Variants in MTREX observed in about 807,000 individuals in gnomAD.
MTREX encodes the protein exosome RNA helicase MTR4.
Under a neutral mutation model 135.4 loss-of-function variants are expected in MTREX, and 76 were observed. The ratio of observed to expected loss-of-function variants is 0.56; its 90% confidence interval spans 0.47 to 0.68. The LOEUF (loss-of-function observed/expected upper bound fraction) is 0.68. Among genes scored for constraint, MTREX ranks in the 30% least tolerant of loss-of-function variants. The probability of loss-of-function intolerance (pLI) is 0.00; values close to 1 mark genes in which losing one functional copy is unlikely to be tolerated. For missense variants in MTREX, 920 were observed against 1,262.1 expected (o/e 0.73, Z 4.11); for synonymous variants, 404 against 401.6 (o/e 1.01, Z -0.07).
chr5:55,425,283 T>C lies in MTREX; in HGVS notation c.*511T>C, dbSNP rs577255506. 7 of 1,611,806 alleles carry C rather than the reference T, an allele frequency of 4.3e-6. No homozygotes were observed. The East Asian group carries it at 1.3e-4, about 31-fold the overall frequency. On this transcript the variant is annotated 3_prime_UTR_variant, in exon 27 of 27. Transcript: ENST00000230640. ...AGAGTTGTATGAGAGTCCTCCTCTT[T>C]TCTTTCTTTAAAAGAAGTTCTTTCT...
intron 23 of MTREX, 136 bp from the exon 24 acceptor site, chr5:55,414,046 C>G (rs1308100833): frequency 2.2e-5 from 12 of 552,196 alleles, no homozygotes; most frequent in Non-Finnish European, 9.3e-6. Context: ...ATTAGAAACT[C>G]TAAATGCTGA....
At chr5:55,346,992 T>C in intron 10 of MTREX, 21 bp from the exon 11 acceptor site, 1 of 1,582,284 alleles carries the variant, frequency 6.3e-7, no homozygotes, top group Non-Finnish European at 8.6e-7. Flanking sequence ...AATTTTGGTG[T>C]GTTGTTTACT....
At chr5:55,320,219 C>CTTT (rs375766049) in intron 1 of MTREX, among the ~76,000 whole-genome samples, 7 of 136,696 alleles carry the variant, frequency 5.1e-5, no homozygotes, top group African/African-American at 1.6e-4. Context: ...ATTAAAAAGT[C>CTTT]TTTTTTTTTT....
intron 25 of MTREX, among the ~76,000 whole-genome samples, chr5:55,419,505 G>GA (rs1316916080): frequency 2.6e-5 from 4 of 151,664 alleles, no homozygotes; most frequent in East Asian, 3.9e-4. Flanking sequence ...TATCACCCTG[G>GA]AAAAAAAATG....
intron 25 of MTREX, among the ~76,000 whole-genome samples, chr5:55,422,511 T>C (rs907891381): frequency 6.6e-6 from 1 of 152,200 alleles, no homozygotes; most frequent in African/African-American, 2.4e-5. Context: ...TTTTCTGCAT[T>C]GTCGTGGTGG....
At chr5:55,394,545 C>T (rs1750617969) in intron 19 of MTREX, among the ~76,000 whole-genome samples, 1 of 152,076 alleles carries the variant, frequency 6.6e-6, no homozygotes, top group Non-Finnish European at 1.5e-5. Context: ...GACCTAGATC[C>T]CTTGCATGTG....
At chr5:55,312,690 A>G (rs1254980396) in intron 1 of MTREX, among the ~76,000 whole-genome samples, 1 of 152,182 alleles carries the variant, frequency 6.6e-6, no homozygotes, top group Admixed American at 6.5e-5. Context: ...TGTTTTATGC[A>G]TATACCATAT....
intron 13 of MTREX, among the ~76,000 whole-genome samples, chr5:55,351,842 C>CTT (rs754738083): frequency 3.6e-5 from 5 of 139,398 alleles, no homozygotes; most frequent in Admixed American, 7.2e-5. Flanking sequence ...ATGACTCATA[C>CTT]TTTTTTTTTT....
intron 15 of MTREX, among the ~76,000 whole-genome samples, chr5:55,359,571 C>T (rs1240028119): frequency 6.6e-6 from 1 of 152,034 alleles, no homozygotes; most frequent in African/African-American, 2.4e-5. Flanking sequence ...TGAGTGAAGA[C>T]AAAGCTTGTC....
chr5:55,390,040 G>A (rs1477242401), intron 19 of MTREX, among the ~76,000 whole-genome samples: 2 of 152,248 alleles, frequency 1.3e-5, no homozygotes. Context: ...TCCTTGCCCT[G>A]TCTGACTTTG....
intron 5 of MTREX, among the ~76,000 whole-genome samples, chr5:55,332,420 G>A (rs1276532847): frequency 1.3e-5 from 2 of 152,174 alleles, no homozygotes; most frequent in Non-Finnish European, 2.9e-5. Flanking sequence ...AAAAAAAATG[G>A]CACCAGTCAT....
chr5:55,420,864 G>A lies in MTREX; in HGVS notation c.2972-2014G>A, dbSNP rs143695418. Among the ~76,000 whole-genome samples, 373 of 152,216 alleles carry A rather than the reference G, an allele frequency of 2.5e-3. 1 individual carries two copies. The highest frequency in any genetic ancestry group is 8.7e-3 in the African/African-American group (363 of 41,516). On this transcript the variant is annotated intron_variant, in intron 25 of 26. Coordinates refer to ENST00000230640, the MANE Select transcript of MTREX (RefSeq NM_015360.5). ...AAATAATTTATGGTGTGTGAATTCT[G>A]TCTCCATGTGAGTTCTTCCAGAATG...
At chr5:55,390,640 G>A (rs1056483546) in intron 19 of MTREX, among the ~76,000 whole-genome samples, 17 of 152,088 alleles carry the variant, frequency 1.1e-4, no homozygotes, top group Non-Finnish European at 2.1e-4. Flanking sequence ...TCATGGCCAC[G>A]TCATGATAGT....
rs555843134 is a variant in MTREX at position 55,378,209 on chromosome 5, C to A, written c.1811-105C>A. On this transcript the variant is annotated intron_variant, in intron 16 of 26. Coordinates refer to ENST00000230640, the MANE Select transcript of MTREX (RefSeq NM_015360.5). ...CAGGAAGGTGGAAGGTAAACAAAAACCGCAACTACACTTGCACCAACCTAA... is the reference window on the plus strand; with the variant it reads ...CAGGAAGGTGGAAGGTAAACAAAAAACGCAACTACACTTGCACCAACCTAA... The A allele has an allele frequency of 6.1e-6, 8 of 1,309,938 alleles. No homozygotes were observed. In the East Asian group the frequency reaches 2.0e-4, roughly 33 times the overall value. 81.1% of individuals were successfully genotyped at this position (1,309,938 alleles called of 1,614,324 possible).
chr5:55,313,863 CAT>C (rs1491506440), intron 1 of MTREX, among the ~76,000 whole-genome samples: 1 of 151,972 alleles, frequency 6.6e-6, no homozygotes, highest in Non-Finnish European at 1.5e-5. Flanking sequence ...ATTGTGCGTA[CAT>C]GTGTCTATCA....
chr5:55,316,876 A>G (rs1419257603), intron 1 of MTREX, among the ~76,000 whole-genome samples: 1 of 152,168 alleles, frequency 6.6e-6, no homozygotes, highest in Non-Finnish European at 1.5e-5. Context: ...TATGTAGGAA[A>G]CCCCATAGTC....
At chr5:55,336,136 C>G (rs1240359083) in intron 5 of MTREX, among the ~76,000 whole-genome samples, 1 of 152,048 alleles carries the variant, frequency 6.6e-6, no homozygotes, top group Non-Finnish European at 1.5e-5. Flanking sequence ...GTTTTATTAA[C>G]TTTTTTGTAC....
At chr5:55,412,099 C>A (rs1184334794) in intron 23 of MTREX, among the ~76,000 whole-genome samples, 2 of 152,094 alleles carry the variant, frequency 1.3e-5, no homozygotes, top group African/African-American at 4.8e-5. Flanking sequence ...TTCAGTGAAA[C>A]CACACTTTTT....
In MTREX at chr5:55,342,872, T is replaced by TA. The variant is rs1449822166; in HGVS notation, c.782-458dup. Among the ~76,000 whole-genome samples, 19 of 152,356 alleles carry TA rather than the reference T, an allele frequency of 1.2e-4. No homozygotes were observed. The East Asian group carries it at 3.7e-3, about 29-fold the overall frequency. On this transcript the variant is annotated intron_variant, in intron 7 of 26. Transcript: ENST00000230640. ...TTTTCCGTTTTAATAAAAAATGACT[T>TA]ACGGTTTTATCTTTCATCAAGTCTT...
Sources: gnomAD v4.1 joint callset for allele counts (sites outside exome capture counted in the v4.1 genomes callset) on GRCh38, gnomAD v4.1.1 for gene constraint, MANE v1.5 for transcripts, NCBI Gene and HGNC (gene_info 2026-07-23, HGNC 2026-07-21) for gene names.